The following ATAD2B variants were observed in gnomAD, a reference collection of about 807,000 sequenced individuals.
The protein encoded by ATAD2B is ATPase family AAA domain containing 2B, also known as ATPase family AAA domain-containing protein 2B.
In ATAD2B, 40 loss-of-function variants were observed where a neutral mutation model predicts 167.6. The ratio of observed to expected loss-of-function variants is 0.24; its 90% CI spans 0.19 to 0.31. The LOEUF (loss-of-function observed/expected upper bound fraction) is 0.31, where lower values mean the gene tolerates loss of function less well. Among genes scored for constraint, ATAD2B ranks in the 10% least tolerant of loss-of-function variants. The pLI is 1.00. For missense variants in ATAD2B, 1,242 were observed against 1,757.2 expected (o/e 0.71, Z 5.24); for synonymous variants, 579 against 596.5 (o/e 0.97, Z 0.43).
the ATAD2B span, among the ~76,000 whole-genome samples, chr2:23,692,327 G>T: frequency 6.6e-6 from 1 of 152,236 alleles, no homozygotes. Flanking sequence ...TGTCCCTTGA[G>T]TACCCAGATC....
chr2:23,866,528 A>T (rs1695161864), intron 10 of ATAD2B, among the ~76,000 whole-genome samples: 1 of 152,200 alleles, frequency 6.6e-6, no homozygotes, highest in Non-Finnish European at 1.5e-5. Flanking sequence ...GAAGAAAAAA[A>T]TTTTTTAAAG....
chr2:23,926,864 C>G lies in ATAD2B; in HGVS notation c.-94G>C. On this transcript the variant is annotated 5_prime_UTR_variant, in exon 1 of 28. Coordinates refer to ENST00000238789, the MANE Select transcript of ATAD2B (RefSeq NM_017552.4). ...TCAGTCAGGGCCAGCGGAGCCGAGC[C>G]GGGCAATGAGAGACGAGCCGGCCCG... 1.4e-6 allele frequency: 2 copies of G among 1,406,926 alleles called. No individual in the cohort carries two copies. The highest frequency in any genetic ancestry group is 1.9e-6 in the Non-Finnish European group (2 of 1,070,904). 87.2% of individuals were successfully genotyped at this position (1,406,926 alleles called of 1,614,324 possible). A position where few individuals can be genotyped will look rare whatever the true frequency, so the allele number is the denominator to read the frequency against.
At chr2:23,733,915 G>C in the ATAD2B span, among the ~76,000 whole-genome samples, 2 of 151,794 alleles carry the variant, frequency 1.3e-5, no homozygotes, top group Non-Finnish European at 2.9e-5. Flanking sequence ...TTATTCTAAA[G>C]TACACAGAAA....
intron 1 of ATAD2B, among the ~76,000 whole-genome samples, chr2:23,897,618 T>C (rs568110155): frequency 1.3e-5 from 2 of 152,360 alleles, no homozygotes; most frequent in South Asian, 4.1e-4. Context: ...CTACAAATTA[T>C]AATTTCCTAC....
intron 22 of ATAD2B, among the ~76,000 whole-genome samples, chr2:23,775,412 C>G (rs551313532): frequency 6.6e-5 from 10 of 151,940 alleles, no homozygotes; most frequent in Non-Finnish European, 1.5e-4. Flanking sequence ...TGGGGTTTCA[C>G]CATGTTAGCC....
the ATAD2B span, among the ~76,000 whole-genome samples, chr2:23,720,728 C>G: frequency 6.6e-6 from 1 of 152,272 alleles, no homozygotes; most frequent in Non-Finnish European, 1.5e-5. Context: ...AACCCCACTG[C>G]CACTGCTGAT....
intron 1 of ATAD2B, 122 bp downstream of exon 1, chr2:23,926,433 C>A: frequency 3.5e-6 from 5 of 1,424,434 alleles, no homozygotes; most frequent in Non-Finnish European, 4.6e-6. Flanking sequence ...GCCCGCAGAC[C>A]CTGTCTCCAG....
At chr2:23,692,796 A>G in the ATAD2B span, among the ~76,000 whole-genome samples, 1 of 152,078 alleles carries the variant, frequency 6.6e-6, no homozygotes, top group Non-Finnish European at 1.5e-5. Context: ...AGCGAGCCAG[A>G]TTGAGTGGGG....
chr2:23,924,572 T>G (rs1704441132), intron 1 of ATAD2B, among the ~76,000 whole-genome samples: 1 of 152,192 alleles, frequency 6.6e-6, no homozygotes, highest in African/African-American at 2.4e-5. Context: ...AGTAGTTACG[T>G]CTCTAAAAAA....
chr2:23,905,570 A>G (rs1701372261), intron 1 of ATAD2B, among the ~76,000 whole-genome samples: 1 of 152,162 alleles, frequency 6.6e-6, no homozygotes. Flanking sequence ...GAAGTTGTAC[A>G]GACAGGACCA....
rs185028755 is a variant in ATAD2B, at chr2:23,839,803, C to G, written c.1569-5725G>C. ...TTTGAAGTATGTATACCCTGTGAAA[C>G]CATCACCACAACTAAAATAAGTTAA... On this transcript the variant is annotated intron_variant, in intron 13 of 27. Coordinates refer to ENST00000238789, the MANE Select transcript of ATAD2B (RefSeq NM_017552.4). Among the ~76,000 whole-genome samples, 83 of 152,162 alleles carry G rather than the reference C, an allele frequency of 5.5e-4. 1 individual carries two copies. The highest frequency in any genetic ancestry group is 4.8e-3 in the Admixed American group (73 of 15,288).
At chr2:23,789,490 G>A (rs1449768164) in intron 19 of ATAD2B, among the ~76,000 whole-genome samples, 1 of 152,062 alleles carries the variant, frequency 6.6e-6, no homozygotes, top group Non-Finnish European at 1.5e-5. Context: ...TGCCTAATAA[G>A]TATGTACTGA....
the ATAD2B span, chr2:23,695,595 A>G: frequency 2.0e-6 from 3 of 1,501,978 alleles, no homozygotes; most frequent in Non-Finnish European, 2.7e-6. This position sits in a 1 kb window ranked among gnomAD's most constrained non-coding sequence, Gnocchi z 7.6. Flanking sequence ...TGCTAGTCTA[A>G]GAAGATTCTG....
intron 6 of ATAD2B, among the ~76,000 whole-genome samples, chr2:23,883,865 C>T (rs530171975): frequency 1.2e-4 from 18 of 152,182 alleles, no homozygotes; most frequent in African/African-American, 3.4e-4. Flanking sequence ...AATGCCAGGC[C>T]GGGTGCAGTG....
chr2:23,819,481 ACT>A (rs112317548), intron 17 of ATAD2B, among the ~76,000 whole-genome samples: 16,977 of 144,668 alleles, frequency 0.12, 1,113 homozygotes, highest in Middle Eastern at 0.2. Context: ...ACAGAGTGAG[ACT>A]CTGCCTCCCA....
chr2:23,907,084 T>A (rs946537170), intron 1 of ATAD2B, among the ~76,000 whole-genome samples: 2 of 151,124 alleles, frequency 1.3e-5, no homozygotes, highest in African/African-American at 4.9e-5. Flanking sequence ...CTCTCACCAC[T>A]CCTATTCAAC....
chr2:23,887,121 G>A lies in ATAD2B; in HGVS notation c.572+711C>T, dbSNP rs1305298422. On this transcript the variant is annotated intron_variant, in intron 4 of 27. Transcript: ENST00000238789. ...TTACTAAAAATACAAAAAATTAGTCGGGCATGGTGGCACGCGCCTATAGTC... is the reference window on the plus strand; with the variant it reads ...TTACTAAAAATACAAAAAATTAGTCAGGCATGGTGGCACGCGCCTATAGTC... Among the ~76,000 whole-genome samples the A allele has an allele frequency of 4.6e-5, 7 of 151,954 alleles. No homozygotes were observed. In the East Asian group the frequency reaches 7.8e-4, roughly 17 times the overall value.
chr2:23,895,045 TGAA>T (rs1364534531), intron 2 of ATAD2B, among the ~76,000 whole-genome samples: 1 of 152,134 alleles, frequency 6.6e-6, no homozygotes, highest in African/African-American at 2.4e-5. Flanking sequence ...TTTAAATGCT[TGAA>T]GAATAAAAAC....
chr2:23,696,191 C>G, the ATAD2B span: 1 of 1,516,302 alleles, frequency 6.6e-7, no homozygotes, highest in Non-Finnish European at 8.9e-7. This position sits in a 1 kb window ranked among gnomAD's most constrained non-coding sequence, Gnocchi z 5.5. Flanking sequence ...GGGACTGCTC[C>G]CCACGTCAGG....
Sources: gnomAD v4.1 joint callset for allele counts (sites outside exome capture counted in the v4.1 genomes callset) on GRCh38, gnomAD v4.1.1 for gene constraint, Gnocchi (gnomAD v3.1) non-coding constraint, MANE v1.5 for transcripts, NCBI Gene and HGNC (gene_info 2026-07-23, HGNC 2026-07-21) for gene names.